FAM184A: variants seen among roughly 807,000 people sequenced by gnomAD.
FAM184A encodes the protein protein FAM184A.
FAM184A carries 99 observed loss-of-function variants against 143.8 expected under a neutral mutation model. That is an observed-to-expected ratio of 0.69 (90% CI 0.58 to 0.81). FAM184A has a LOEUF of 0.81. FAM184A is among the 40% of genes least tolerant of loss of function. FAM184A has a pLI of 0.00. For missense variants in FAM184A, 1,217 were observed against 1,310.5 expected (o/e 0.93, Z 1.10); for synonymous variants, 427 against 446.4 (o/e 0.96, Z 0.55).
chr6:118,970,763 AC>A (rs1234940381), intron 14 of FAM184A, among the ~76,000 whole-genome samples: 1 of 152,214 alleles, frequency 6.6e-6, no homozygotes, highest in Non-Finnish European at 1.5e-5. Context: ...GAGAAGTAGA[AC>A]ATATAAAATT....
chr6:119,096,873 A>G (rs942076290), intron 1 of FAM184A, among the ~76,000 whole-genome samples: 9 of 152,248 alleles, frequency 5.9e-5, no homozygotes, highest in Middle Eastern at 3.4e-3. Context: ...GTCAGAAGGC[A>G]TGGGCTGGTC....
In FAM184A at chr6:118,959,938, A is replaced by G; in HGVS notation, c.*165T>C. ...CACACATAATATAGTACCTTATAGAATGATTCCAATAAATATCACAGGAAA... is the reference window on the plus strand; with the variant it reads ...CACACATAATATAGTACCTTATAGAGTGATTCCAATAAATATCACAGGAAA... On this transcript the variant is annotated 3_prime_UTR_variant, in exon 18 of 18. Transcript: ENST00000338891. The G allele has an allele frequency of 1.9e-6, 1 of 514,922 alleles. No individual in the cohort carries two copies. The highest frequency in any genetic ancestry group is 3.4e-6 in the Non-Finnish European group (1 of 292,350). The allele number at this position is 514,922 out of a possible 1,614,324, so 31.9% of individuals were successfully genotyped here.
intron 1 of FAM184A, among the ~76,000 whole-genome samples, chr6:119,119,698 T>TCGTG (rs1321488750): frequency 3.3e-5 from 5 of 152,140 alleles, no homozygotes; most frequent in African/African-American, 1.2e-4. Flanking sequence ...AGGCTAGGTG[T>TCGTG]CGTGGCTCAT....
chr6:119,103,355 A>G (rs1788694460), intron 1 of FAM184A, among the ~76,000 whole-genome samples: 1 of 152,234 alleles, frequency 6.6e-6, no homozygotes, highest in Admixed American at 6.5e-5. Flanking sequence ...TTTCTGATAC[A>G]TGAGTTAACA....
At chr6:118,979,232 A>G (rs998922823) in intron 11 of FAM184A, 133 bp downstream of exon 11, 3 of 797,224 alleles carry the variant, frequency 3.8e-6, no homozygotes, top group Non-Finnish European at 5.8e-6. Flanking sequence ...TTCAAATAAA[A>G]TATGCAGTAC....
chr6:119,041,206 G>A (rs1481720824), intron 1 of FAM184A, among the ~76,000 whole-genome samples: 2 of 152,146 alleles, frequency 1.3e-5, no homozygotes, highest in Non-Finnish European at 2.9e-5. Flanking sequence ...GACAAGGCCA[G>A]CCCAAGGCCG....
chr6:119,015,193 C>A (rs888575599), intron 5 of FAM184A, among the ~76,000 whole-genome samples: 1 of 152,200 alleles, frequency 6.6e-6, no homozygotes, highest in Admixed American at 6.5e-5. Context: ...TTGCTCTCGG[C>A]GCCTCCTCTG....
At chr6:119,022,149 C>A (rs1420963148) in intron 3 of FAM184A, among the ~76,000 whole-genome samples, 1 of 149,936 alleles carries the variant, frequency 6.7e-6, no homozygotes, top group Non-Finnish European at 1.5e-5. Context: ...ACCTCTGCCA[C>A]CAGGTTCAAG....
chr6:119,020,202 G>A, intron 3 of FAM184A, 43 bp from the exon 4 acceptor site: 1 of 1,436,338 alleles, frequency 7.0e-7, no homozygotes, highest in South Asian at 1.6e-5. Flanking sequence ...AAAATCAGTT[G>A]TACTATGAGA....
At chr6:119,021,150 T>C (rs1057266550) in intron 3 of FAM184A, among the ~76,000 whole-genome samples, 4 of 152,210 alleles carry the variant, frequency 2.6e-5, no homozygotes, top group African/African-American at 9.6e-5. Flanking sequence ...GCCCAGCATC[T>C]GTAGTTTCAC....
chr6:119,116,757 T>C (rs2114855343), intron 1 of FAM184A, among the ~76,000 whole-genome samples: 1 of 152,300 alleles, frequency 6.6e-6, no homozygotes, highest in Middle Eastern at 3.4e-3. Flanking sequence ...CAGAGAAGGA[T>C]TAAGGAGGAC....
intron 1 of FAM184A, among the ~76,000 whole-genome samples, chr6:119,048,779 T>C (rs1015616431): frequency 5.3e-5 from 8 of 152,112 alleles, no homozygotes; most frequent in Admixed American, 2.0e-4. Flanking sequence ...GGTAATGGGA[T>C]AATGGGGGAT....
At chr6:118,991,958 G>C (rs1283644090) in intron 9 of FAM184A, among the ~76,000 whole-genome samples, 1 of 151,546 alleles carries the variant, frequency 6.6e-6, no homozygotes, top group East Asian at 1.9e-4. Flanking sequence ...TAGAGACGGG[G>C]TTTCACCATG....
chr6:119,088,791 C>A (rs1452346327), intron 1 of FAM184A, among the ~76,000 whole-genome samples: 1 of 152,134 alleles, frequency 6.6e-6, no homozygotes, highest in Admixed American at 6.5e-5. Flanking sequence ...CCAATGGAAT[C>A]AATAATCATA....
At position 119,024,084 on chromosome 6, in the gene FAM184A, T is replaced by C. The variant is rs1448717393; in HGVS notation, c.889A>G (p.Ile297Val). The change falls in exon 2 of 18, where the codon ATT becomes GTT. Residue 297 changes from isoleucine to valine, a missense_variant. Physicochemically the swap from Ile to Val is conservative, Grantham distance 29. Coordinates refer to ENST00000338891, the MANE Select transcript of FAM184A (RefSeq NM_024581.6). The part of the protein sequence containing the change: ...LRKEFQGQEA[I>V]LRKTIGKLKT... ...AATTTTCCTATAGTTTTTCGTAAAA[T>C]TGCTTCTTGTCCCTGAAATTCTTTT... 6.2e-6 allele frequency: 10 copies of C among 1,614,118 alleles called. No homozygotes were observed. Among genetic ancestry groups the C allele is most frequent in the African/African-American group, 1.3e-5 (1 of 74,946 alleles).
intron 9 of FAM184A, among the ~76,000 whole-genome samples, chr6:119,000,337 C>CA (rs1257935008): frequency 2.0e-5 from 3 of 152,270 alleles, no homozygotes; most frequent in Admixed American, 6.5e-5. Flanking sequence ...CAAATGTATA[C>CA]ACTGATCAAC....
chr6:119,023,558 C>T lies in FAM184A; in HGVS notation c.1014+401G>A, dbSNP rs531190489. ...TAAATAATTAGCAATATTGTCCGCC[C>T]CCCCCCCCAGGAACAGCGTATTACC... On this transcript the variant is annotated intron_variant, in intron 2 of 17. Coordinates refer to ENST00000338891, the MANE Select transcript of FAM184A (RefSeq NM_024581.6). 1.3e-4 allele frequency among the ~76,000 whole-genome samples: 15 copies of T among 115,490 alleles called. 1 individual carries two copies. Among genetic ancestry groups the T allele is most frequent in the African/African-American group, 4.5e-4 (14 of 31,206 alleles). 75.8% of individuals were successfully genotyped at this position (115,490 alleles called of 152,430 possible).
At chr6:119,116,269 C>T (rs1182806375) in intron 1 of FAM184A, among the ~76,000 whole-genome samples, 1 of 152,066 alleles carries the variant, frequency 6.6e-6, no homozygotes, top group Non-Finnish European at 1.5e-5. Context: ...AAACCAGATA[C>T]CGCATGTCCT....
At chr6:119,112,735 A>G (rs1307054704) in intron 1 of FAM184A, among the ~76,000 whole-genome samples, 1 of 152,200 alleles carries the variant, frequency 6.6e-6, no homozygotes, top group Non-Finnish European at 1.5e-5. Context: ...CCTGTCTCAT[A>G]GCTTGAGATA....
Sources: gnomAD v4.1 joint callset for allele counts (sites outside exome capture counted in the v4.1 genomes callset) on GRCh38, gnomAD v4.1.1 for gene constraint, MANE v1.5 for transcripts, NCBI Gene and HGNC (gene_info 2026-07-23, HGNC 2026-07-21) for gene names.